The following MAD1L1 variants were observed in gnomAD, a reference collection of about 807,000 sequenced individuals.
The protein encoded by MAD1L1 is mitotic arrest deficient 1 like 1.
A neutral mutation model predicts 96.9 loss-of-function variants in MAD1L1; 95 were observed. The observed-to-expected ratio is 0.98, with a 90% CI of 0.83 to 1.16. MAD1L1 has a LOEUF of 1.16. Ranked by LOEUF, MAD1L1 falls within the 50% of genes most tolerant of loss-of-function variation. The probability of loss-of-function intolerance (pLI) is 0.00; values close to 1 mark genes in which losing one functional copy is unlikely to be tolerated. For synonymous variants in MAD1L1, 473 were observed against 396.6 expected (o/e 1.19, Z -2.29); for missense variants, 1,007 against 954.4 (o/e 1.06, Z -0.73).
At chr7:1,937,221 G>A (rs1462837869) in intron 16 of MAD1L1, among the ~76,000 whole-genome samples, 1 of 152,186 alleles carries the variant, frequency 6.6e-6, no homozygotes, top group Non-Finnish European at 1.5e-5. Context: ...TCCACACTCA[G>A]TGCCCGGGAG....
chr7:1,907,243 G>A (rs149965514), intron 17 of MAD1L1, among the ~76,000 whole-genome samples: 45 of 152,300 alleles, frequency 3.0e-4, no homozygotes, highest in African/African-American at 9.9e-4. Flanking sequence ...GACCTGGACC[G>A]GTGCCCCAGT....
At chr7:1,898,878 G>A (rs975886350) in intron 17 of MAD1L1, among the ~76,000 whole-genome samples, 1 of 152,174 alleles carries the variant, frequency 6.6e-6, no homozygotes, top group Non-Finnish European at 1.5e-5. Flanking sequence ...GGGCTGCCAC[G>A]CCACCCAGTG....
chr7:1,836,868 G>GA (rs1033344853), intron 18 of MAD1L1, among the ~76,000 whole-genome samples: 21 of 151,340 alleles, frequency 1.4e-4, no homozygotes, highest in African/African-American at 2.4e-4. Context: ...ACTTCTAGAA[G>GA]AAAAAAAAAT....
At chr7:2,044,562 G>A (rs1391436714) in intron 12 of MAD1L1, among the ~76,000 whole-genome samples, 1 of 152,186 alleles carries the variant, frequency 6.6e-6, no homozygotes, top group African/African-American at 2.4e-5. Context: ...TGGTTCAGCA[G>A]GGCACAGAAC....
At chr7:2,042,510 G>T (rs373870259) in intron 12 of MAD1L1, among the ~76,000 whole-genome samples, 2 of 152,158 alleles carry the variant, frequency 1.3e-5, no homozygotes, top group African/African-American at 4.8e-5. Flanking sequence ...CAAATACTTG[G>T]CGATATGGTT....
chr7:2,174,715 C>G (rs1458864383), intron 10 of MAD1L1, among the ~76,000 whole-genome samples: 1 of 152,154 alleles, frequency 6.6e-6, no homozygotes, highest in African/African-American at 2.4e-5. Context: ...GAATGTGCTT[C>G]TTCCAGAGGA....
At chr7:1,967,535 C>T (rs1244609214) in intron 15 of MAD1L1, among the ~76,000 whole-genome samples, 6 of 152,166 alleles carry the variant, frequency 3.9e-5, no homozygotes, top group South Asian at 2.1e-4. Flanking sequence ...AGGCAGCTGG[C>T]GGGAGGGTGT....
intron 13 of MAD1L1, among the ~76,000 whole-genome samples, chr7:2,009,918 G>T (rs1025550404): frequency 2.0e-5 from 3 of 152,042 alleles, no homozygotes; most frequent in Non-Finnish European, 4.4e-5. Context: ...GTTCTGTACT[G>T]CACAGACGCC....
chr7:2,002,855 G>A (rs759001431), intron 13 of MAD1L1, among the ~76,000 whole-genome samples: 10 of 152,172 alleles, frequency 6.6e-5, no homozygotes, highest in African/African-American at 1.7e-4. Context: ...TCAGGACCTC[G>A]GAGACCCCCG....
chr7:2,017,386 G>A (rs188086951), intron 12 of MAD1L1, among the ~76,000 whole-genome samples: 9 of 152,222 alleles, frequency 5.9e-5, no homozygotes, highest in Non-Finnish European at 8.8e-5. Context: ...GGAATAGAAT[G>A]TGCTCATCAT....
At position 1,884,982 on chromosome 7, in the gene MAD1L1, C is replaced by T. The variant is rs546373248; in HGVS notation, c.1998+13218G>A. Among the ~76,000 whole-genome samples, 14 of 152,342 alleles carry T rather than the reference C, an allele frequency of 9.2e-5. No homozygotes were observed. The South Asian group carries it at 2.5e-3, about 27-fold the overall frequency. On this transcript the variant is annotated intron_variant, in intron 18 of 18. Transcript: ENST00000265854. ...GCAAAGTTCATCTCAGCTTTAGAATCGGGGATCACTGTGCATGAAGTTACC... is the reference window on the plus strand; with the variant it reads ...GCAAAGTTCATCTCAGCTTTAGAATTGGGGATCACTGTGCATGAAGTTACC...
intron 15 of MAD1L1, among the ~76,000 whole-genome samples, chr7:1,964,191 T>C (rs1056159913): frequency 2.0e-5 from 3 of 152,200 alleles, no homozygotes; most frequent in African/African-American, 7.2e-5. Flanking sequence ...AGTGACGACA[T>C]GGTGGGGGCC....
intron 12 of MAD1L1, among the ~76,000 whole-genome samples, chr7:2,040,629 CTT>C (rs1783632214): frequency 6.6e-6 from 1 of 152,170 alleles, no homozygotes; most frequent in African/African-American, 2.4e-5. Flanking sequence ...TTACCTAGTC[CTT>C]TGCTGGGGAG....
intron 15 of MAD1L1, among the ~76,000 whole-genome samples, chr7:1,969,050 T>C (rs1194179230): frequency 2.0e-5 from 3 of 152,204 alleles, no homozygotes; most frequent in Non-Finnish European, 2.9e-5. Flanking sequence ...AACTTGCCTA[T>C]TGAATCTGGT....
At chr7:2,149,316 C>G (rs1789457582) in intron 10 of MAD1L1, 78 bp from the exon 11 acceptor site, 1 of 1,111,072 alleles carries the variant, frequency 9.0e-7, no homozygotes, top group Non-Finnish European at 1.4e-6. Context: ...AACAGAAGGC[C>G]AAAAGCAACC....
At chr7:2,018,346 G>T (rs933230331) in intron 12 of MAD1L1, among the ~76,000 whole-genome samples, 3 of 152,194 alleles carry the variant, frequency 2.0e-5, no homozygotes, top group African/African-American at 7.2e-5. Flanking sequence ...CACGGAACCC[G>T]CATACACAGG....
chr7:1,959,662 G>T (rs1447842858), intron 15 of MAD1L1, among the ~76,000 whole-genome samples: 4 of 152,172 alleles, frequency 2.6e-5, no homozygotes, highest in African/African-American at 2.4e-5. Flanking sequence ...CTGAAATAAC[G>T]AAAGAAATAA....
At chr7:2,026,548 T>C (rs906605349) in intron 12 of MAD1L1, among the ~76,000 whole-genome samples, 8 of 152,212 alleles carry the variant, frequency 5.3e-5, no homozygotes, top group Non-Finnish European at 1.2e-4. Flanking sequence ...GATGGGGCCA[T>C]AGAGCATTTC....
Position 2,230,043 on chromosome 7 carries a change from G to A in MAD1L1, c.91C>T (p.Leu31=), listed in dbSNP as rs561632963. 22 of 1,613,796 alleles carry A rather than the reference G, an allele frequency of 1.4e-5. No homozygotes were observed. In the South Asian group the frequency reaches 2.0e-4, roughly 15 times the overall value. Residue 31 remains leucine (L), a synonymous_variant, in exon 3 of 19, where the codon CTG becomes TTG. Transcript: ENST00000265854. ...ISQRVEGGSG[L]DISTSAPGSL... ...CCTGGGGCCGAGGTAGAAATATCCAGTCCAGAGCCTCCCTCCACACGCTGA... is the reference window on the plus strand; with the variant it reads ...CCTGGGGCCGAGGTAGAAATATCCAATCCAGAGCCTCCCTCCACACGCTGA...
Sources: allele counts gnomAD v4.1 joint callset (sites outside exome capture counted in the v4.1 genomes callset), GRCh38; gene constraint gnomAD v4.1.1; transcripts MANE v1.5; gene names NCBI Gene and HGNC (gene_info 2026-07-23, HGNC 2026-07-21).